Variants in CUBN observed in about 807,000 individuals in gnomAD.
CUBN encodes 460 kDa receptor.
In CUBN, 282 loss-of-function variants were observed where a neutral mutation model predicts 405.3. The observed-to-expected ratio is 0.70, with a 90% CI of 0.63 to 0.77. The LOEUF (loss-of-function observed/expected upper bound fraction) is 0.77. CUBN is among the 30% of genes least tolerant of loss of function. The pLI is 0.00. For missense variants in CUBN, 4,514 were observed against 4,475.2 expected (o/e 1.01, Z -0.25); for synonymous variants, 1,684 against 1,617.0 (o/e 1.04, Z -0.99).
At chr10:16,931,127 G>A (rs368480956) in intron 40 of CUBN, among the ~76,000 whole-genome samples, 234 of 151,934 alleles carry the variant, frequency 1.5e-3, no homozygotes, top group Middle Eastern at 6.8e-3. Context: ...AGCTGAGTGC[G>A]GTGGCGGGTG....
In CUBN at chr10:16,948,590, G is replaced by A. The variant is rs748290519; in HGVS notation, c.5097C>T (p.Thr1699=). Residue 1699 remains threonine (T), a synonymous_variant, in exon 35 of 67, where the codon ACC becomes ACT. Coordinates refer to ENST00000377833, the MANE Select transcript of CUBN (RefSeq NM_001081.4). ...DAPLRGRYCG[T]DMPHPITSFS... ...AGGATGTGATAGGATGGGGCATGTCGGTGCCACAGTAACGGCCTAAATAAT... is the reference window on the plus strand; with the variant it reads ...AGGATGTGATAGGATGGGGCATGTCAGTGCCACAGTAACGGCCTAAATAAT... 53 of 1,613,766 alleles carry A rather than the reference G, an allele frequency of 3.3e-5. No individual in the cohort carries two copies. Among genetic ancestry groups the A allele is most frequent in the Middle Eastern group, 1.6e-4 (1 of 6,078 alleles).
chr10:16,895,864 A>T (rs143260573), intron 54 of CUBN, among the ~76,000 whole-genome samples: 97 of 152,338 alleles, frequency 6.4e-4, no homozygotes, highest in Non-Finnish European at 1.2e-3. Context: ...TAAACTATTT[A>T]CAATTATACT....
At chr10:16,946,436 T>G (rs1269216098) in intron 36 of CUBN, among the ~76,000 whole-genome samples, 1 of 151,956 alleles carries the variant, frequency 6.6e-6, no homozygotes, top group Non-Finnish European at 1.5e-5. Context: ...AAAATTAAGT[T>G]TAAAGTTTAA....
intron 64 of CUBN, among the ~76,000 whole-genome samples, chr10:16,833,619 G>A (rs1458044449): frequency 6.6e-6 from 1 of 152,152 alleles, no homozygotes; most frequent in Non-Finnish European, 1.5e-5. Flanking sequence ...ATCGGATGAG[G>A]GGGGTTGCAG....
At chr10:16,883,210 G>T (rs1160388317) in intron 56 of CUBN, among the ~76,000 whole-genome samples, 1 of 152,152 alleles carries the variant, frequency 6.6e-6, no homozygotes, top group African/African-American at 2.4e-5. Flanking sequence ...TGGGAGACTG[G>T]TCTCCTCTAC....
At chr10:17,127,973 A>T in intron 2 of CUBN, 49 bp from the exon 3 acceptor site, 1 of 1,242,982 alleles carries the variant, frequency 8.0e-7, no homozygotes, top group East Asian at 2.3e-5. Context: ...TGAAAATATC[A>T]TATTTATCTT....
At chr10:17,101,040 A>AT (rs1284945985) in intron 13 of CUBN, among the ~76,000 whole-genome samples, 1 of 152,192 alleles carries the variant, frequency 6.6e-6, no homozygotes, top group Non-Finnish European at 1.5e-5. Flanking sequence ...GTCGAATTTA[A>AT]TTTTCATCAG....
At chr10:17,087,477 T>TAC (rs1564510392) in intron 15 of CUBN, among the ~76,000 whole-genome samples, 1 of 96,846 alleles carries the variant, frequency 1.0e-5, no homozygotes, top group African/African-American at 5.8e-5. Flanking sequence ...TTTTTCTTTT[T>TAC]TTTTTTTTTT....
chr10:17,012,577 G>C (rs1348322424), intron 28 of CUBN, among the ~76,000 whole-genome samples: 2 of 152,184 alleles, frequency 1.3e-5, no homozygotes. Flanking sequence ...TGTGGTAGTA[G>C]GATAATGCAT....
intron 53 of CUBN, 21 bp from the exon 54 acceptor site, chr10:16,899,204 A>T: frequency 1.2e-6 from 2 of 1,601,866 alleles, no homozygotes; most frequent in Non-Finnish European, 1.7e-6. Flanking sequence ...GCCATGTAAA[A>T]AGCCATCAAT....
chr10:16,828,739 TACA>T, intron 66 of CUBN, 63 bp downstream of exon 66: 1 of 1,249,598 alleles, frequency 8.0e-7, no homozygotes. Flanking sequence ...AAAAAAAGTC[TACA>T]CTAAGTGACT....
intron 45 of CUBN, among the ~76,000 whole-genome samples, chr10:16,918,056 C>T (rs545871265): frequency 6.6e-6 from 1 of 152,236 alleles, no homozygotes; most frequent in Admixed American, 6.5e-5. Context: ...GGAATCTTTT[C>T]CCTATTGCTT....
intron 51 of CUBN, among the ~76,000 whole-genome samples, chr10:16,901,740 G>A (rs1350499914): frequency 6.6e-6 from 1 of 151,338 alleles, no homozygotes; most frequent in African/African-American, 2.4e-5. Flanking sequence ...TGTAATCCCA[G>A]GTATTCAGGA....
intron 31 of CUBN, among the ~76,000 whole-genome samples, chr10:16,961,486 A>C (rs1446965351): frequency 6.6e-6 from 1 of 152,150 alleles, no homozygotes; most frequent in African/African-American, 2.4e-5. Context: ...AAAACCATTC[A>C]AGTGTGAGAC....
At chr10:17,115,408 G>C in intron 7 of CUBN, 63 bp downstream of exon 7, 1 of 1,586,122 alleles carries the variant, frequency 6.3e-7, no homozygotes, top group Non-Finnish European at 8.6e-7. Context: ...AGTGGGCATA[G>C]GAGGAGGAGG....
chr10:16,930,983 G>A (rs1164982097), intron 40 of CUBN, among the ~76,000 whole-genome samples: 1 of 152,034 alleles, frequency 6.6e-6, no homozygotes, highest in East Asian at 1.9e-4. Flanking sequence ...TAGGCCAGGT[G>A]TGGTGGCTCA....
At chr10:16,964,175 A>G (rs762441548) in intron 31 of CUBN, among the ~76,000 whole-genome samples, 10 of 152,228 alleles carry the variant, frequency 6.6e-5, no homozygotes, top group Middle Eastern at 3.2e-3. Flanking sequence ...ATTTCATAGT[A>G]GAGTGTTCAA....
At chr10:17,001,295 G>C (rs1280236754) in intron 28 of CUBN, among the ~76,000 whole-genome samples, 3 of 152,226 alleles carry the variant, frequency 2.0e-5, no homozygotes, top group Non-Finnish European at 4.4e-5. Flanking sequence ...GGCAACCCCA[G>C]TGGATTGCCA....
chr10:17,087,385 G>A (rs970597969), intron 15 of CUBN, among the ~76,000 whole-genome samples: 1 of 151,284 alleles, frequency 6.6e-6, no homozygotes. Context: ...AAGGAGCTTC[G>A]GCTGATACCT....
Sources: allele counts gnomAD v4.1 joint callset (sites outside exome capture counted in the v4.1 genomes callset), GRCh38; gene constraint gnomAD v4.1.1; transcripts MANE v1.5; gene names NCBI Gene and HGNC (gene_info 2026-07-23, HGNC 2026-07-21).